SEMA3E: variants seen among roughly 807,000 people sequenced by gnomAD.
SEMA3E encodes the protein semaphorin 3E, also known as semaphorin-3E.
In SEMA3E, 49 loss-of-function variants were observed where a neutral mutation model predicts 93.6. That is an observed-to-expected ratio of 0.52 (90% CI 0.42 to 0.66). SEMA3E has a LOEUF of 0.66. SEMA3E is among the 30% of genes least tolerant of loss of function. The probability of loss-of-function intolerance (pLI) is 0.00; values close to 1 mark genes in which losing one functional copy is unlikely to be tolerated. For synonymous variants in SEMA3E, 363 were observed against 330.7 expected, an observed-to-expected ratio of 1.10 and a Z score of -1.06; for missense variants, 906 against 964.8, an observed-to-expected ratio of 0.94 and a Z score of 0.81.
At chr7:83,629,978 A>G (rs1319179629) in intron 1 of SEMA3E, among the ~76,000 whole-genome samples, 1 of 152,176 alleles carries the variant, frequency 6.6e-6, no homozygotes, top group Non-Finnish European at 1.5e-5. Context: ...AAAGCATAGT[A>G]TCTGGGCCTG....
At chr7:83,500,929 G>C (rs1047511320) in intron 1 of SEMA3E, among the ~76,000 whole-genome samples, 1 of 152,044 alleles carries the variant, frequency 6.6e-6, no homozygotes, top group East Asian at 1.9e-4. Context: ...CTATGAAATT[G>C]TCTGTGGTAA....
chr7:83,382,915 T>C (rs1053826519), intron 16 of SEMA3E, among the ~76,000 whole-genome samples: 5 of 151,996 alleles, frequency 3.3e-5, no homozygotes, highest in African/African-American at 1.2e-4. Context: ...TTTCTAAAGA[T>C]TAATTCAGTT....
At chr7:83,501,414 C>T (rs1488083240) in intron 1 of SEMA3E, among the ~76,000 whole-genome samples, 3 of 152,162 alleles carry the variant, frequency 2.0e-5, no homozygotes, top group African/African-American at 4.8e-5. Context: ...GTATTTTTAA[C>T]TGAAGTCATG....
In SEMA3E at chr7:83,392,603, T is replaced by C; in HGVS notation, c.1619A>G (p.Asp540Gly). 6.2e-7 allele frequency: 1 copy of C among 1,613,510 alleles called. No homozygotes were observed. Among genetic ancestry groups the C allele is most frequent in the Non-Finnish European group, 8.5e-7 (1 of 1,179,790 alleles). Residue 540 changes from aspartate (D) to glycine (G), a missense_variant, in exon 14 of 17, where the codon GAT (aspartate) becomes GGT (glycine). By Grantham distance (94) the Asp-to-Gly change is moderately conservative (BLOSUM62 -1). Coordinates refer to ENST00000643230, the MANE Select transcript of SEMA3E (RefSeq NM_012431.3). ...GTAATACCGGGAGCAGGATATGCCATCCCAGGCACAGTAAGGGTCTCGAGC... is the reference window on the plus strand; with the variant it reads ...GTAATACCGGGAGCAGGATATGCCACCCCAGGCACAGTAAGGGTCTCGAGC... ...CLARDPYCAW[D>G]GISCSRYYPT... is the part of the protein sequence containing the mutation.
chr7:83,583,503 T>C lies in SEMA3E; in HGVS notation c.115+64925A>G, dbSNP rs545659267. 2.6e-5 allele frequency among the ~76,000 whole-genome samples: 4 copies of C among 152,278 alleles called. No homozygotes were observed. In the South Asian group the frequency reaches 8.3e-4, roughly 32 times the overall value. On this transcript the variant is annotated intron_variant, in intron 1 of 16. Transcript: ENST00000643230. ...GGCATTCTCCTGTAGCAGATTCTGC[T>C]TTTTATCTGCTTACCATTCGTTCAC... is the stretch of plus-strand genomic sequence containing the variant.
chr7:83,464,465 A>G (rs1490596471), intron 4 of SEMA3E, among the ~76,000 whole-genome samples: 2 of 101,948 alleles, frequency 2.0e-5, no homozygotes, highest in Non-Finnish European at 4.4e-5. Flanking sequence ...TCTTGTTTAC[A>G]CTGTTTTTCC....
At chr7:83,541,015 A>G (rs557510627) in intron 1 of SEMA3E, among the ~76,000 whole-genome samples, 1 of 152,192 alleles carries the variant, frequency 6.6e-6, no homozygotes. Context: ...ATGAGTTGCC[A>G]AGATCCTCAA....
At chr7:83,594,527 C>T (rs1427278460) in intron 1 of SEMA3E, among the ~76,000 whole-genome samples, 6 of 152,134 alleles carry the variant, frequency 3.9e-5, no homozygotes, top group African/African-American at 7.2e-5. Flanking sequence ...AATTATAGCG[C>T]TGTGCTGTAG....
intron 4 of SEMA3E, among the ~76,000 whole-genome samples, chr7:83,419,338 G>A (rs1476398922): frequency 6.6e-6 from 1 of 152,088 alleles, no homozygotes; most frequent in African/African-American, 2.4e-5. Flanking sequence ...TTGCTATTGT[G>A]AATAATTCTG....
At chr7:83,477,974 G>A (rs144598396) in intron 2 of SEMA3E, among the ~76,000 whole-genome samples, 1,731 of 151,662 alleles carry the variant, frequency 0.011, 30 homozygotes, top group African/African-American at 0.04. Context: ...AGGCTGGAGT[G>A]CAATGGCACA....
chr7:83,511,070 G>C (rs1584299000), intron 1 of SEMA3E, among the ~76,000 whole-genome samples: 1 of 152,072 alleles, frequency 6.6e-6, no homozygotes, highest in East Asian at 1.9e-4. Flanking sequence ...CTACAAGTTT[G>C]ATTTTAGCAG....
At chr7:83,399,891 T>C in intron 11 of SEMA3E, 137 bp downstream of exon 11, 1 of 751,518 alleles carries the variant, frequency 1.3e-6, no homozygotes, top group South Asian at 1.5e-5. Flanking sequence ...ATTTCAATCT[T>C]TCTCATTTTG....
At chr7:83,627,179 G>A (rs577245540) in intron 1 of SEMA3E, among the ~76,000 whole-genome samples, 2 of 152,198 alleles carry the variant, frequency 1.3e-5, no homozygotes, top group Admixed American at 6.5e-5. Flanking sequence ...TGTATATTCT[G>A]TTGATTTGGA....
chr7:83,414,338 T>C (rs1788501055), intron 5 of SEMA3E, among the ~76,000 whole-genome samples: 1 of 138,554 alleles, frequency 7.2e-6, no homozygotes, highest in South Asian at 2.6e-4. Flanking sequence ...AATAAACAAT[T>C]ATTTATTTAA....
At chr7:83,510,116 G>A (rs1466665779) in intron 1 of SEMA3E, among the ~76,000 whole-genome samples, 1 of 152,044 alleles carries the variant, frequency 6.6e-6, no homozygotes, top group African/African-American at 2.4e-5. Context: ...GAGTATTATT[G>A]TCTGTTTTTT....
intron 14 of SEMA3E, among the ~76,000 whole-genome samples, chr7:83,390,328 A>C (rs1281392547): frequency 6.6e-6 from 1 of 150,702 alleles, no homozygotes; most frequent in African/African-American, 2.5e-5. Context: ...AAAGTTGAAC[A>C]AATTTGCTTT....
chr7:83,501,798 A>G (rs1464397166), intron 1 of SEMA3E, among the ~76,000 whole-genome samples: 1 of 152,208 alleles, frequency 6.6e-6, no homozygotes, highest in Non-Finnish European at 1.5e-5. Context: ...TTTGGCCTAT[A>G]ACATGTTTTC....
chr7:83,417,728 C>A (rs1788581542), intron 5 of SEMA3E, among the ~76,000 whole-genome samples: 1 of 152,030 alleles, frequency 6.6e-6, no homozygotes, highest in Non-Finnish European at 1.5e-5. Context: ...CAATTTTTAA[C>A]CCCAAATTGC....
chr7:83,593,662 T>C (rs1792808026), intron 1 of SEMA3E, among the ~76,000 whole-genome samples: 2 of 151,618 alleles, frequency 1.3e-5, no homozygotes, highest in Admixed American at 1.3e-4. Flanking sequence ...AGAAACAGGT[T>C]TGGGTTTTGT....
Sources: allele counts gnomAD v4.1 joint callset (sites outside exome capture counted in the v4.1 genomes callset), GRCh38; gene constraint gnomAD v4.1.1; transcripts MANE v1.5; gene names NCBI Gene and HGNC (gene_info 2026-07-23, HGNC 2026-07-21).